Variants in CFAP47 observed in about 807,000 individuals in gnomAD.
The protein encoded by CFAP47 is cilia- and flagella-associated protein 47.
Under a neutral mutation model 148.1 loss-of-function variants are expected in CFAP47, and 29 were observed. The ratio of observed to expected loss-of-function variants is 0.20; its 90% CI spans 0.15 to 0.27. CFAP47 has a LOEUF of 0.27. Ranked by LOEUF, CFAP47 falls within the 10% of genes least tolerant of loss-of-function variation. CFAP47 has a pLI of 1.00. For synonymous variants in CFAP47, 664 were observed against 577.3 expected (o/e 1.15, Z -2.15); for missense variants, 1,872 against 1,697.5 (o/e 1.10, Z -1.81).
intron 49 of CFAP47, among the ~76,000 whole-genome samples, chrX:36,261,957 C>T (rs2072390887): frequency 9.2e-6 from 1 of 108,899 alleles, no homozygotes; most frequent in African/African-American, 3.3e-5. Flanking sequence ...CGGGGGCTGA[C>T]CCCCCACCTC....
chrX:36,049,909 C>T (rs971148204), intron 26 of CFAP47, among the ~76,000 whole-genome samples: 3 of 111,062 alleles, frequency 2.7e-5, no homozygotes, highest in African/African-American at 9.9e-5. Context: ...GTGAGTTATC[C>T]TGTGCTGTTC....
At chrX:36,206,873 C>T (rs1245316098) in intron 45 of CFAP47, among the ~76,000 whole-genome samples, 5 of 111,438 alleles carry the variant, frequency 4.5e-5, no homozygotes, top group Middle Eastern at 4.7e-3. Flanking sequence ...ATTAATAAAA[C>T]GTTTTAAATG....
At chrX:36,057,941 C>A (rs1157881519) in intron 26 of CFAP47, among the ~76,000 whole-genome samples, 2 of 111,562 alleles carry the variant, frequency 1.8e-5, no homozygotes, top group Non-Finnish European at 3.8e-5. Context: ...CCTATTACTA[C>A]TGGATAAGTG....
At chrX:36,213,970 C>A (rs1940130785) in intron 45 of CFAP47, among the ~76,000 whole-genome samples, 1 of 111,602 alleles carries the variant, frequency 9.0e-6, no homozygotes, top group African/African-American at 3.3e-5. Context: ...GCCTCAGTAT[C>A]CACAACTTAC....
intron 26 of CFAP47, among the ~76,000 whole-genome samples, chrX:36,051,743 G>A (rs6632466): frequency 0.15 from 16,051 of 110,543 alleles, 1,175 homozygotes; most frequent in East Asian, 0.29. Context: ...TTTAAAATGT[G>A]AGGACATGAG....
intron 21 of CFAP47, among the ~76,000 whole-genome samples, chrX:36,006,113 G>A (rs1936979704): frequency 9.0e-6 from 1 of 110,567 alleles, no homozygotes; most frequent in Non-Finnish European, 1.9e-5. Flanking sequence ...AATCTATCAT[G>A]CAATTTAAGT....
intron 33 of CFAP47, among the ~76,000 whole-genome samples, chrX:36,126,582 A>T (rs936663185): frequency 8.9e-6 from 1 of 111,939 alleles, no homozygotes; most frequent in Non-Finnish European, 1.9e-5. Context: ...TTTATAGTAG[A>T]ATGATTTATA....
chrX:35,981,422 C>T (rs915613896), intron 15 of CFAP47, among the ~76,000 whole-genome samples: 2 of 107,534 alleles, frequency 1.9e-5, no homozygotes, highest in African/African-American at 6.7e-5. Flanking sequence ...ACAAAAGTAG[C>T]TTAAATCCAG....
chrX:36,243,372 C>A (rs1245189843), intron 48 of CFAP47, among the ~76,000 whole-genome samples: 1 of 109,576 alleles, frequency 9.1e-6, no homozygotes, highest in Non-Finnish European at 1.9e-5. Flanking sequence ...ACCCCACTTA[C>A]AAAACACAGA....
chrX:36,312,944 C>T (rs1556010269), intron 56 of CFAP47, among the ~76,000 whole-genome samples: 1 of 110,821 alleles, frequency 9.0e-6, no homozygotes, highest in Non-Finnish European at 1.9e-5. Flanking sequence ...GAACTTCTTT[C>T]CCCGTTGTTG....
intron 30 of CFAP47, among the ~76,000 whole-genome samples, chrX:36,089,627 AC>A (rs1415301901): frequency 9.0e-6 from 1 of 111,035 alleles, no homozygotes; most frequent in Non-Finnish European, 1.9e-5. Context: ...AAGTTACTTC[AC>A]CCGTTTTAGC....
At chrX:36,289,171 T>C (rs1941167755) in intron 51 of CFAP47, among the ~76,000 whole-genome samples, 2 of 109,289 alleles carry the variant, frequency 1.8e-5, no homozygotes, top group Non-Finnish European at 3.8e-5. Context: ...CAGCTAATTT[T>C]GTGTTTTTAG....
At chrX:36,372,898 C>A (rs1556022194) in intron 62 of CFAP47, among the ~76,000 whole-genome samples, 1 of 111,614 alleles carries the variant, frequency 9.0e-6, no homozygotes, top group Non-Finnish European at 1.9e-5. Flanking sequence ...TATTTCTTGG[C>A]TTTCTATTCT....
intron 24 of CFAP47, among the ~76,000 whole-genome samples, chrX:36,037,174 C>G (rs917935634): frequency 7.9e-4 from 88 of 111,970 alleles, no homozygotes; most frequent in African/African-American, 2.8e-3. Flanking sequence ...CTGTTCAGAA[C>G]TTCTCCTTTA....
At chrX:36,313,359 G>A (rs1030947013) in intron 56 of CFAP47, among the ~76,000 whole-genome samples, 2 of 110,077 alleles carry the variant, frequency 1.8e-5, no homozygotes, top group Non-Finnish European at 3.8e-5. Flanking sequence ...CAAGTGTGTA[G>A]GAGGAAATAT....
intron 52 of CFAP47, among the ~76,000 whole-genome samples, chrX:36,300,309 A>C (rs1436182223): frequency 1.0e-5 from 1 of 100,079 alleles, no homozygotes; most frequent in Non-Finnish European, 2.0e-5. Context: ...TTTTTTTTTG[A>C]GACAGAGTCT....
At position 35,956,133 on chromosome X, in the gene CFAP47, T is replaced by C; in HGVS notation, c.1347T>C (p.Phe449=). The C allele has an allele frequency of 1.7e-6, 2 of 1,211,484 alleles. No individual in the cohort carries two copies. Among genetic ancestry groups the C allele is most frequent in the Non-Finnish European group, 2.2e-6 (2 of 895,277 alleles). The change falls in exon 8 of 64, where the codon TTT becomes TTC. Residue 449 remains phenylalanine, a synonymous_variant. Transcript: ENST00000378653. The part of the protein sequence containing the change: ...QCELLPVTYH[F]KKTANFEIDP... ...AATTACTTCCTGTGACGTACCACTTTAAAAAAACTGCAAATTTTGAAATTG... is the reference window on the plus strand; with the variant it reads ...AATTACTTCCTGTGACGTACCACTTCAAAAAAACTGCAAATTTTGAAATTG...
chrX:36,353,492 A>G (rs946175205), intron 59 of CFAP47, 37 bp from the exon 60 acceptor site: 1 of 1,122,610 alleles, frequency 8.9e-7, no homozygotes, highest in African/African-American at 1.8e-5. Flanking sequence ...CATATCACCT[A>G]CAAGTCAAGT....
intron 1 of CFAP47, among the ~76,000 whole-genome samples, chrX:35,921,870 C>G (rs1395870214): frequency 1.8e-5 from 2 of 111,278 alleles, no homozygotes; most frequent in African/African-American, 6.5e-5. Context: ...AAAATGATTC[C>G]TCTAACATAC....
Sources: allele counts gnomAD v4.1 joint callset (sites outside exome capture counted in the v4.1 genomes callset), GRCh38; gene constraint gnomAD v4.1.1; transcripts MANE v1.5; gene names NCBI Gene and HGNC (gene_info 2026-07-23, HGNC 2026-07-21).